NCAPD2: variants seen among roughly 807,000 people sequenced by gnomAD.
The protein encoded by NCAPD2 is condensin complex subunit 1.
NCAPD2 carries 100 observed loss-of-function variants against 164.5 expected under a neutral mutation model. That is an observed-to-expected ratio of 0.61 (90% CI 0.52 to 0.72). The LOEUF is 0.72. Ranked by LOEUF, NCAPD2 falls within the 30% of genes least tolerant of loss-of-function variation. NCAPD2 has a pLI of 0.00. For synonymous variants in NCAPD2, 585 were observed against 642.6 expected, an observed-to-expected ratio of 0.91 and a Z score of 1.36; for missense variants, 1,560 against 1,749.2, an observed-to-expected ratio of 0.89 and a Z score of 1.93.
chr12:6,523,187 G>T, intron 16 of NCAPD2, 75 bp from the exon 17 acceptor site: 1 of 1,509,966 alleles, frequency 6.6e-7, no homozygotes, highest in Non-Finnish European at 9.2e-7. Context: ...ACTGTGGTGG[G>T]ATAGCCCTAA....
At chr12:6,510,909 C>T (rs763072482) in intron 5 of NCAPD2, 99 bp downstream of exon 5, 8 of 1,434,108 alleles carry the variant, frequency 5.6e-6, no homozygotes, top group Non-Finnish European at 7.6e-6. Flanking sequence ...CCTTTCTGTC[C>T]TCATTGAGAA....
chr12:6,501,309 C>T (rs555468975), intron 2 of NCAPD2, among the ~76,000 whole-genome samples: 4 of 141,326 alleles, frequency 2.8e-5, no homozygotes, highest in South Asian at 2.3e-4. Context: ...GGCACCATCT[C>T]GGTTCACTGC....
intron 2 of NCAPD2, among the ~76,000 whole-genome samples, chr12:6,503,648 G>A (rs1266154531): frequency 6.6e-6 from 1 of 152,114 alleles, no homozygotes; most frequent in Non-Finnish European, 1.5e-5. Flanking sequence ...ACGCGTGCCT[G>A]TAATCCCAGC....
At chr12:6,500,021 G>T (rs1946020680) in intron 2 of NCAPD2, among the ~76,000 whole-genome samples, 1 of 152,152 alleles carries the variant, frequency 6.6e-6, no homozygotes, top group Admixed American at 6.6e-5. Flanking sequence ...TACTTGGGAG[G>T]CTGGGGTGGG....
chr12:6,516,784 C>T (rs535671549), intron 9 of NCAPD2, 44 bp from the exon 10 acceptor site: 8 of 1,589,924 alleles, frequency 5.0e-6, no homozygotes, highest in East Asian at 2.2e-5. Flanking sequence ...AAGCAAGCTT[C>T]GCCTTGACTA....
chr12:6,518,519 T>TG lies in NCAPD2; in HGVS notation c.1589+560_1589+561insG, dbSNP rs1247184637. On this transcript the variant is annotated intron_variant, in intron 13 of 31. Transcript: ENST00000315579. Reference sequence around the variant, plus strand: ...CCGTCAACAAGTTTTTTTTTTTTTTTTTTTTTTTTTTTTTTGAGATGGAGT... The same window carrying TG: ...CCGTCAACAAGTTTTTTTTTTTTTTTGTTTTTTTTTTTTTTTGAGATGGAGT... 1.8e-3 allele frequency among the ~76,000 whole-genome samples: 205 copies of TG among 116,084 alleles called. 10 individuals are homozygous for TG. The highest frequency in any genetic ancestry group is 7.0e-3 in the African/African-American group (199 of 28,416). The allele number at this position is 116,084 out of a possible 152,430, so 76.2% of individuals were successfully genotyped here.
At chr12:6,508,132 C>A (rs1468615614) in intron 2 of NCAPD2, among the ~76,000 whole-genome samples, 1 of 152,044 alleles carries the variant, frequency 6.6e-6, no homozygotes, top group Non-Finnish European at 1.5e-5. Flanking sequence ...ACCATCCTGG[C>A]TAACATGGTG....
At chr12:6,510,165 G>A in intron 4 of NCAPD2, 32 bp downstream of exon 4, 1 of 1,569,776 alleles carries the variant, frequency 6.4e-7, no homozygotes, top group Non-Finnish European at 8.8e-7. Context: ...GGGGATGGAA[G>A]GTGTTTGTTA....
Position 6,525,583 on chromosome 12 carries a change from C to G in NCAPD2, c.2215C>G (p.Leu739Val). 6.2e-7 allele frequency: 1 copy of G among 1,607,340 alleles called. No homozygotes were observed. The highest frequency in any genetic ancestry group is 8.5e-7 in the Non-Finnish European group (1 of 1,176,522). ...VGTIQCLEEI[L>V]CEFVQKDELK... ...TGAGCCCTTTTTCTTTTCTCTTTAG[C>G]TCTGTGAGTTTGTGCAGAAGGATGA... The change falls in exon 18 of 32, where the codon CTC (leucine) becomes GTC (valine). Residue 739 changes from leucine (L) to valine (V), a missense_variant and splice_region_variant. Transcript: ENST00000315579.
intron 2 of NCAPD2, among the ~76,000 whole-genome samples, chr12:6,499,995 C>T (rs1217079447): frequency 6.6e-6 from 1 of 152,110 alleles, no homozygotes; most frequent in East Asian, 1.9e-4. Flanking sequence ...TGGTGGTGCA[C>T]ACCTGTAGTT....
intron 13 of NCAPD2, among the ~76,000 whole-genome samples, chr12:6,518,533 T>TTTTTTTTTTTTTTTTTTTTG (rs1565544225): frequency 7.2e-6 from 1 of 138,600 alleles, no homozygotes; most frequent in African/African-American, 2.8e-5. Flanking sequence ...TTTTTTTTTT[T>TTTTTTTTTTTTTTTTTTTTG]TGAGATGGAG....
intron 2 of NCAPD2, among the ~76,000 whole-genome samples, chr12:6,501,793 A>C (rs1946039760): frequency 6.6e-6 from 1 of 152,230 alleles, no homozygotes; most frequent in African/African-American, 2.4e-5. Flanking sequence ...AGAAGCAGTC[A>C]TTGGGGCAGA....
chr12:6,524,743 G>A (rs1482210479), intron 17 of NCAPD2, among the ~76,000 whole-genome samples: 1 of 152,020 alleles, frequency 6.6e-6, no homozygotes, highest in Non-Finnish European at 1.5e-5. Flanking sequence ...GACTTCAGGA[G>A]TCTAGGACTT....
At chr12:6,518,504 G>GTTTTTTGTTTTTTTTTTTTTT (rs1946226490) in intron 13 of NCAPD2, among the ~76,000 whole-genome samples, 1 of 44,774 alleles carries the variant, frequency 2.2e-5, no homozygotes, top group African/African-American at 1.0e-4. Context: ...CCGTCAACAA[G>GTTTTTTGTTTTTTTTTTTTTT]TTTTTTTTTT....
rs1042057335 is a variant in NCAPD2, at chr12:6,528,190, C to A, written c.3161C>A (p.Ser1054Tyr). ...GCTCTTAGTGCCACTTTCTGCGACT[C>A]CCAGCTTCGTCTTCTGTTCACCATG... ...FCMISATFCDSQLRLLFTMLE... is the reference protein window; with the variant it reads ...FCMISATFCDYQLRLLFTMLE... The change falls in exon 25 of 32, where the codon TCC (serine) becomes TAC (tyrosine). Residue 1054 changes from serine to tyrosine, a missense_variant. By Grantham distance (144) the Ser-to-Tyr change is moderately radical (BLOSUM62 -2). Coordinates refer to ENST00000315579, the MANE Select transcript of NCAPD2 (RefSeq NM_014865.4). The surrounding 1 kb of genome is among the most constrained non-coding windows in gnomAD (Gnocchi z 5.1). 1.9e-6 allele frequency: 3 copies of A among 1,614,082 alleles called. No individual in the cohort carries two copies. Among genetic ancestry groups the A allele is most frequent in the Non-Finnish European group, 2.5e-6 (3 of 1,180,050 alleles).
chr12:6,504,344 T>G (rs747241589), intron 2 of NCAPD2, among the ~76,000 whole-genome samples: 1 of 151,336 alleles, frequency 6.6e-6, no homozygotes, highest in Non-Finnish European at 1.5e-5. Flanking sequence ...TAAACACTTA[T>G]AGCCTACTGT....
chr12:6,514,555 T>C lies in NCAPD2; in HGVS notation c.807T>C (p.Tyr269=), dbSNP rs777408364. ...CCGTGAGTCTATGGGCAACTGACTA[T>C]GGAATGAAGAGCATAGTGGGAGAGA... The part of the protein sequence containing the change: ...VAAVSLWATD[Y]GMKSIVGEIV... Residue 269 remains tyrosine (Y), a synonymous_variant, in exon 8 of 32, where the codon TAT becomes TAC. Transcript: ENST00000315579. 1.2e-5 allele frequency: 20 copies of C among 1,614,120 alleles called. No individual in the cohort carries two copies. Among genetic ancestry groups the C allele is most frequent in the African/African-American group, 2.7e-5 (2 of 74,932 alleles).
Position 6,517,392 on chromosome 12 carries a change from G to A in NCAPD2, c.1213G>A (p.Val405Met), listed in dbSNP as rs760671057. Residue 405 changes from valine (V) to methionine (M), a missense_variant, in exon 11 of 32, where the codon GTG becomes ATG. Val to Met is a conservative substitution (Grantham distance 21, BLOSUM62 1). Coordinates refer to ENST00000315579, the MANE Select transcript of NCAPD2 (RefSeq NM_014865.4). ...TCTCCCCCTGACACGTTTCCAGGCA[G>A]TGGTGGCTTTAGCTGTGGGACGTCT... ...KALPLTRFQA[V>M]VALAVGRLAD... is the part of the protein sequence containing the mutation. The A allele has an allele frequency of 1.1e-5, 18 of 1,614,104 alleles. No individual in the cohort carries two copies. The highest frequency in any genetic ancestry group is 1.4e-5 in the Non-Finnish European group (16 of 1,180,052).
chr12:6,510,591 A>G, intron 4 of NCAPD2, 38 bp from the exon 5 acceptor site: 1 of 1,610,098 alleles, frequency 6.2e-7, no homozygotes. Context: ...ATATGAAAGA[A>G]GTGAGTGAAA....
Sources: gnomAD v4.1 joint callset for allele counts (sites outside exome capture counted in the v4.1 genomes callset) on GRCh38, gnomAD v4.1.1 for gene constraint, Gnocchi (gnomAD v3.1) non-coding constraint, MANE v1.5 for transcripts, NCBI Gene and HGNC (gene_info 2026-07-23, HGNC 2026-07-21) for gene names.